Variants in ANKRD52 observed in about 807,000 individuals in gnomAD.
ANKRD52 encodes ankyrin repeat domain 52.
ANKRD52 carries 7 observed loss-of-function variants against 116.0 expected under a neutral mutation model. That is an observed-to-expected ratio of 0.06 (90% CI 0.03 to 0.11). The LOEUF (loss-of-function observed/expected upper bound fraction) is 0.11, where lower values mean the gene tolerates loss of function less well. ANKRD52 is among the 10% of genes least tolerant of loss of function. The pLI is 1.00. For missense variants in ANKRD52, 839 were observed against 1,408.6 expected (o/e 0.60, Z 6.47); for synonymous variants, 528 against 578.1 (o/e 0.91, Z 1.24).
Position 56,247,675 on chromosome 12 carries a change from G to A in ANKRD52, c.2066+12C>T, listed in dbSNP as rs746523590. The A allele has an allele frequency of 6.3e-5, 102 of 1,608,246 alleles. No homozygotes were observed. In the Middle Eastern group the frequency reaches 1.7e-3, roughly 26 times the overall value. ...ACTGGAAAACCTGCACCCCACCCTGGCCCACACTCACTGTCCATAGGCATC... is the reference window on the plus strand; with the variant it reads ...ACTGGAAAACCTGCACCCCACCCTGACCCACACTCACTGTCCATAGGCATC... On this transcript the variant is annotated intron_variant, in intron 19 of 27. Transcript: ENST00000267116.
chr12:56,238,000 G>T lies in ANKRD52; in HGVS notation c.*5142C>A. The T allele has an allele frequency of 1.4e-5, 4 of 286,506 alleles. No homozygotes were observed. The highest frequency in any genetic ancestry group is 6.0e-5 in the East Asian group (1 of 16,732). 17.7% of individuals were successfully genotyped at this position (286,506 alleles called of 1,614,324 possible). A position where few individuals can be genotyped will look rare whatever the true frequency, so the allele number is the denominator to read the frequency against. ...GGAGAACATTGTGCTTTAGCCCAGG[G>T]AGGGGAGGGGTGGGGCAAATGCACC... On this transcript the variant is annotated 3_prime_UTR_variant, in exon 28 of 28. Transcript: ENST00000267116.
rs1871258155 is a variant in ANKRD52, at chr12:56,243,489, C to T, written c.2981-97G>A. The T allele has an allele frequency of 1.2e-5, 17 of 1,469,088 alleles. No homozygotes were observed. The highest frequency in any genetic ancestry group is 1.5e-5 in the Non-Finnish European group (17 of 1,098,988). 91.0% of individuals were successfully genotyped at this position (1,469,088 alleles called of 1,614,324 possible). ...CTCTTCTCTGTGGAGGGAGCCAAGG[C>T]AGGCAGGTACCCAGCAGCGGCAGAA... On this transcript the variant is annotated intron_variant, in intron 27 of 27. Coordinates refer to ENST00000267116, the MANE Select transcript of ANKRD52 (RefSeq NM_173595.4). This position sits in a 1 kb window ranked among gnomAD's most constrained non-coding sequence, Gnocchi z 4.6.
Position 56,243,995 on chromosome 12 carries a change from T to C in ANKRD52, c.2888+56A>G. Reference sequence around the variant, plus strand: ...CAGAGAGCCTCTGAACAGCGGCCACTCTTTCATCACCCACTGGCCTCCCCC... The same window carrying C: ...CAGAGAGCCTCTGAACAGCGGCCACCCTTTCATCACCCACTGGCCTCCCCC... On this transcript the variant is annotated intron_variant, in intron 26 of 27. Coordinates refer to ENST00000267116, the MANE Select transcript of ANKRD52 (RefSeq NM_173595.4). This position sits in a 1 kb window ranked among gnomAD's most constrained non-coding sequence, Gnocchi z 4.6. 6.2e-7 allele frequency: 1 copy of C among 1,607,456 alleles called. No homozygotes were observed. The highest frequency in any genetic ancestry group is 8.5e-7 in the Non-Finnish European group (1 of 1,175,420).
chr12:56,253,117 G>C lies in ANKRD52; in HGVS notation c.1101-31C>G. On this transcript the variant is annotated intron_variant, in intron 10 of 27. Transcript: ENST00000267116. The surrounding 1 kb of genome is among the most constrained non-coding windows in gnomAD (Gnocchi z 5.5). Reference sequence around the variant, plus strand: ...GAGAAGTTGAGGGACTCAGTCCTTGGGTCAAGGAGGGACCAAGTAAGACCT... The same window carrying C: ...GAGAAGTTGAGGGACTCAGTCCTTGCGTCAAGGAGGGACCAAGTAAGACCT... 6.5e-7 allele frequency: 1 copy of C among 1,528,206 alleles called. No individual in the cohort carries two copies. The highest frequency in any genetic ancestry group is 1.3e-5 in the South Asian group (1 of 79,604). 94.7% of individuals were successfully genotyped at this position (1,528,206 alleles called of 1,614,324 possible).
At position 56,252,978 on chromosome 12, in the gene ANKRD52, C is replaced by A; in HGVS notation, c.1183+26G>T. 6.3e-7 allele frequency: 1 copy of A among 1,584,072 alleles called. No individual in the cohort carries two copies. ...AGGCCTTTGCTCTCCTATACACCTG[C>A]CAATCCCCAGCCCATCAGCACATAC... On this transcript the variant is annotated intron_variant, in intron 11 of 27. Transcript: ENST00000267116. The surrounding 1 kb of genome is among the most constrained non-coding windows in gnomAD (Gnocchi z 4.7).
chr12:56,240,975 T>C lies in ANKRD52; in HGVS notation c.*2167A>G, dbSNP rs1871142995. ...CTCACTCCCCTTGCCCCCCACCACC[T>C]AATTCCCAGCACCAAGATGAGAGGG... is the stretch of plus-strand genomic sequence containing the variant. On this transcript the variant is annotated 3_prime_UTR_variant, in exon 28 of 28. Coordinates refer to ENST00000267116, the MANE Select transcript of ANKRD52 (RefSeq NM_173595.4). The surrounding 1 kb of genome is among the most constrained non-coding windows in gnomAD (Gnocchi z 4.2). 6.6e-6 allele frequency: 1 copy of C among 152,098 alleles called. No individual in the cohort carries two copies. The highest frequency in any genetic ancestry group is 2.4e-5 in the African/African-American group (1 of 41,402). 9.4% of individuals were successfully genotyped at this position (152,098 alleles called of 1,614,324 possible).
chr12:56,249,826 G>C (rs1871599098), intron 15 of ANKRD52, among the ~76,000 whole-genome samples: 1 of 152,158 alleles, frequency 6.6e-6, no homozygotes, highest in South Asian at 2.1e-4. Context: ...GATCGCCTGA[G>C]CTCGGGAGTT....
intron 21 of ANKRD52, 87 bp downstream of exon 21, chr12:56,245,290 C>T (rs1380290418): frequency 1.9e-6 from 3 of 1,601,100 alleles, no homozygotes; most frequent in East Asian, 4.5e-5. Flanking sequence ...TTCAGATCAA[C>T]CCAGGTCCCC....
Position 56,252,122 on chromosome 12 carries a change from G to C in ANKRD52, c.1512-27C>G, listed in dbSNP as rs757493904. On this transcript the variant is annotated intron_variant, in intron 14 of 27. Coordinates refer to ENST00000267116, the MANE Select transcript of ANKRD52 (RefSeq NM_173595.4). The surrounding 1 kb of genome is among the most constrained non-coding windows in gnomAD (Gnocchi z 4.7). ...TGGGGAAGAGAGAGAGAAAGTTAGGGCCAGGCTCAGGGAGGTGAATGGGGC... is the reference window on the plus strand; with the variant it reads ...TGGGGAAGAGAGAGAGAAAGTTAGGCCCAGGCTCAGGGAGGTGAATGGGGC... 1 of 1,613,958 alleles carries C rather than the reference G, an allele frequency of 6.2e-7. No homozygotes were observed. The highest frequency in any genetic ancestry group is 2.2e-5 in the East Asian group (1 of 44,888).
intron 4 of ANKRD52, 69 bp from the exon 5 acceptor site, chr12:56,256,053 A>C: frequency 6.8e-7 from 1 of 1,466,432 alleles, no homozygotes; most frequent in Non-Finnish European, 9.3e-7. Context: ...TGGAAGGAGG[A>C]ATAGGTCAGC....
At position 56,242,453 on chromosome 12, in the gene ANKRD52, C is replaced by A. The variant is rs1428464656; in HGVS notation, c.*689G>T. The stretch of plus-strand genomic sequence containing the variant: ...AGGGGGCAGGCTGTGGGGGCAGAAC[C>A]AGCCCTTGATTTGCATATGAGGAGC... On this transcript the variant is annotated 3_prime_UTR_variant, in exon 28 of 28. Coordinates refer to ENST00000267116, the MANE Select transcript of ANKRD52 (RefSeq NM_173595.4). The surrounding 1 kb of genome is among the most constrained non-coding windows in gnomAD (Gnocchi z 4.3). 8.9e-6 allele frequency: 3 copies of A among 335,222 alleles called. No homozygotes were observed. The East Asian group carries it at 1.3e-4, about 15-fold the overall frequency. 20.8% of individuals were successfully genotyped at this position (335,222 alleles called of 1,614,324 possible). A position where few individuals can be genotyped will look rare whatever the true frequency, so the allele number is the denominator to read the frequency against.
rs978066472 is a variant in ANKRD52, at chr12:56,255,553, C to T, written c.462+231G>A. Among the ~76,000 whole-genome samples, 5 of 152,188 alleles carry T rather than the reference C, an allele frequency of 3.3e-5. No individual in the cohort carries two copies. The highest frequency in any genetic ancestry group is 9.7e-5 in the African/African-American group (4 of 41,442). ...AAGACATGGACTCTCTTCAGAAAGG[C>T]GTGTATGCAAATATTTTCCACGCAA... On this transcript the variant is annotated intron_variant, in intron 5 of 27. Coordinates refer to ENST00000267116, the MANE Select transcript of ANKRD52 (RefSeq NM_173595.4). The surrounding 1 kb of genome is among the most constrained non-coding windows in gnomAD (Gnocchi z 4.3).
chr12:56,247,488 C>T lies in ANKRD52; in HGVS notation c.2184+5G>A, dbSNP rs1293498719. On this transcript the variant is annotated splice_donor_5th_base_variant and intron_variant, in intron 20 of 27. Transcript: ENST00000267116. ...GCAAACAATCCCCCCTAGAAGCTCA[C>T]TCACCCCGCGGTGGAGGGCAGTGCG... The T allele has an allele frequency of 4.5e-6, 7 of 1,565,272 alleles. No homozygotes were observed. The highest frequency in any genetic ancestry group is 5.2e-6 in the Non-Finnish European group (6 of 1,154,308).
At position 56,248,883 on chromosome 12, in the gene ANKRD52, G is replaced by T; in HGVS notation, c.1593-13C>A. 1 of 1,565,946 alleles carries T rather than the reference G, an allele frequency of 6.4e-7. No individual in the cohort carries two copies. Among genetic ancestry groups the T allele is most frequent in the Non-Finnish European group, 8.7e-7 (1 of 1,152,744 alleles). On this transcript the variant is annotated splice_polypyrimidine_tract_variant and intron_variant, in intron 15 of 27. Transcript: ENST00000267116. The surrounding 1 kb of genome is among the most constrained non-coding windows in gnomAD (Gnocchi z 5.1). ...GAACTCCAGACAGCTGGGGAGCCGG[G>T]GGTAGACTGTGAGGCAGGGACAGGC...
In ANKRD52 at chr12:56,242,469, T is replaced by C. The variant is rs867604397; in HGVS notation, c.*673A>G. ...GGGCAGAACCAGCCCTTGATTTGCA[T>C]ATGAGGAGCCAGGGGAGAGTGCAGG... On this transcript the variant is annotated 3_prime_UTR_variant, in exon 28 of 28. Coordinates refer to ENST00000267116, the MANE Select transcript of ANKRD52 (RefSeq NM_173595.4). This position sits in a 1 kb window ranked among gnomAD's most constrained non-coding sequence, Gnocchi z 4.3. The C allele has an allele frequency of 9.6e-6, 3 of 312,430 alleles. No homozygotes were observed. The highest frequency in any genetic ancestry group is 8.1e-4 in the Middle Eastern group (1 of 1,234). 19.4% of individuals were successfully genotyped at this position (312,430 alleles called of 1,614,324 possible).
intron 15 of ANKRD52, 40 bp downstream of exon 15, chr12:56,251,975 T>A: frequency 6.3e-7 from 1 of 1,596,906 alleles, no homozygotes; most frequent in Non-Finnish European, 8.6e-7. Flanking sequence ...CTTGCATGGG[T>A]TGGGGAAAGC....
Position 56,257,371 on chromosome 12 carries a change from C to T in ANKRD52, c.112-10G>A. ...TTCGCCTCTCTTGGTCCTGGGAAGGCAAAAAAGAGCAGGGAGTATGGGCGC... is the reference window on the plus strand; with the variant it reads ...TTCGCCTCTCTTGGTCCTGGGAAGGTAAAAAAGAGCAGGGAGTATGGGCGC... On this transcript the variant is annotated splice_polypyrimidine_tract_variant and intron_variant, in intron 2 of 27. Coordinates refer to ENST00000267116, the MANE Select transcript of ANKRD52 (RefSeq NM_173595.4). 3 of 1,576,916 alleles carry T rather than the reference C, an allele frequency of 1.9e-6. No homozygotes were observed. The highest frequency in any genetic ancestry group is 2.6e-6 in the Non-Finnish European group (3 of 1,161,348).
At position 56,257,395 on chromosome 12, in the gene ANKRD52, G is replaced by A. The variant is rs1284233434; in HGVS notation, c.112-34C>T. On this transcript the variant is annotated intron_variant, in intron 2 of 27. Coordinates refer to ENST00000267116, the MANE Select transcript of ANKRD52 (RefSeq NM_173595.4). ...GCAAAAAAGAGCAGGGAGTATGGGC[G>A]CGGGGTAAGGGGGCTATCAAGGACC... 8 of 1,537,564 alleles carry A rather than the reference G, an allele frequency of 5.2e-6. No homozygotes were observed. In the Admixed American group the frequency reaches 1.6e-4, roughly 30 times the overall value.
rs773194923 is a variant in ANKRD52 at position 56,244,464 on chromosome 12, AC to A, written c.2723-30del. ...CGAGAGAAATGTGATAGAGGGACTG[AC>A]CCCTCCCTCCAGAGCAGTAGCCATC... is the stretch of plus-strand genomic sequence containing the variant. On this transcript the variant is annotated intron_variant, in intron 24 of 27. Transcript: ENST00000267116. The surrounding 1 kb of genome is among the most constrained non-coding windows in gnomAD (Gnocchi z 4.9). 22 of 1,609,586 alleles carry A rather than the reference AC, an allele frequency of 1.4e-5. No homozygotes were observed. The highest frequency in any genetic ancestry group is 1.7e-5 in the Non-Finnish European group (20 of 1,176,410).
Sources: gnomAD v4.1 joint callset for allele counts (sites outside exome capture counted in the v4.1 genomes callset) on GRCh38, gnomAD v4.1.1 for gene constraint, Gnocchi (gnomAD v3.1) non-coding constraint, MANE v1.5 for transcripts, NCBI Gene and HGNC (gene_info 2026-07-23, HGNC 2026-07-21) for gene names.